The following SDK1 variants were observed in gnomAD, a reference collection of about 807,000 sequenced individuals.
SDK1 encodes the protein sidekick cell adhesion molecule 1.
In SDK1, 157 loss-of-function variants were observed where a neutral mutation model predicts 245.5. That is an observed-to-expected ratio of 0.64 (90% CI 0.56 to 0.73). SDK1 has a LOEUF of 0.73. SDK1 is among the 30% of genes least tolerant of loss of function. SDK1 has a pLI of 0.00. For synonymous variants in SDK1, 1,647 were observed against 1,278.5 expected (o/e 1.29, Z -6.15); for missense variants, 3,583 against 3,002.3 (o/e 1.19, Z -4.52).
chr7:3,803,211 A>G (rs892243949), intron 4 of SDK1, among the ~76,000 whole-genome samples: 8 of 151,522 alleles, frequency 5.3e-5, no homozygotes, highest in Non-Finnish European at 1.0e-4. Flanking sequence ...GATGCTCAAC[A>G]CTTTTTATGT....
chr7:3,583,300 A>T (rs1448924647), intron 1 of SDK1, among the ~76,000 whole-genome samples: 1 of 152,242 alleles, frequency 6.6e-6, no homozygotes, highest in Non-Finnish European at 1.5e-5. Flanking sequence ...CTTAGTAAAC[A>T]AATTTTCAGT....
At chr7:4,198,517 C>T (rs1363242714) in intron 35 of SDK1, among the ~76,000 whole-genome samples, 2 of 152,226 alleles carry the variant, frequency 1.3e-5, no homozygotes, top group Non-Finnish European at 2.9e-5. Flanking sequence ...AAGCCTAGCC[C>T]ATTACCTGTT....
intron 44 of SDK1, among the ~76,000 whole-genome samples, chr7:4,247,014 T>C (rs74396840): frequency 2.4e-3 from 372 of 152,276 alleles, no homozygotes; most frequent in African/African-American, 8.6e-3. Flanking sequence ...GAAGCAGCAA[T>C]TGGAGAGGTT....
intron 5 of SDK1, among the ~76,000 whole-genome samples, chr7:3,936,160 C>A (rs1464101650): frequency 6.6e-6 from 1 of 152,086 alleles, no homozygotes; most frequent in Non-Finnish European, 1.5e-5. Flanking sequence ...CTTTGTGATT[C>A]CACTTCCATG....
chr7:3,505,183 T>A (rs1329563959), intron 1 of SDK1, among the ~76,000 whole-genome samples: 1 of 152,230 alleles, frequency 6.6e-6, no homozygotes, highest in Non-Finnish European at 1.5e-5. Flanking sequence ...AAAATATATC[T>A]GTTTTTGTTT....
At position 3,871,945 on chromosome 7, in the gene SDK1, G is replaced by A. The variant is rs536020295; in HGVS notation, c.847+50362G>A. Among the ~76,000 whole-genome samples the A allele has an allele frequency of 1.4e-4, 22 of 152,300 alleles. No homozygotes were observed. In the South Asian group the frequency reaches 4.3e-3, roughly 30 times the overall value. ...ATCTGATGTTAGCTATATGTATTTT[G>A]TGGATGTCCCATATTTGGTTAAGGA... On this transcript the variant is annotated intron_variant, in intron 5 of 44. Transcript: ENST00000404826.
At chr7:3,630,858 A>G (rs1782268060) in intron 2 of SDK1, among the ~76,000 whole-genome samples, 1 of 151,956 alleles carries the variant, frequency 6.6e-6, no homozygotes, top group South Asian at 2.1e-4. Flanking sequence ...GATATTCTTT[A>G]GGCCCGAGAC....
intron 28 of SDK1, among the ~76,000 whole-genome samples, chr7:4,144,777 G>C (rs956460070): frequency 1.3e-5 from 2 of 152,216 alleles, no homozygotes; most frequent in Non-Finnish European, 2.9e-5. Flanking sequence ...GCCACTCCAC[G>C]AAGAGGCAGC....
At chr7:3,857,556 G>A (rs113409137) in intron 5 of SDK1, among the ~76,000 whole-genome samples, 2,119 of 152,076 alleles carry the variant, frequency 0.014, 57 homozygotes, top group African/African-American at 0.049. Context: ...GTGTGGTGGT[G>A]CATGCCTGTA....
intron 1 of SDK1, among the ~76,000 whole-genome samples, chr7:3,401,947 C>G (rs1401934182): frequency 2.6e-5 from 4 of 152,094 alleles, no homozygotes; most frequent in African/African-American, 9.7e-5. Flanking sequence ...ATGTGTGTAG[C>G]TGTCTTTACT....
At chr7:3,586,779 T>G (rs574454184) in intron 1 of SDK1, among the ~76,000 whole-genome samples, 1 of 152,062 alleles carries the variant, frequency 6.6e-6, no homozygotes, top group South Asian at 2.1e-4. Flanking sequence ...TAGCCTTAAC[T>G]GTCATCTGGG....
At chr7:3,668,935 G>A (rs943809075) in intron 4 of SDK1, among the ~76,000 whole-genome samples, 10 of 152,232 alleles carry the variant, frequency 6.6e-5, no homozygotes, top group Non-Finnish European at 1.2e-4. Flanking sequence ...ACCTGTCCCT[G>A]TGTGACGTCA....
At chr7:3,825,309 T>G (rs1255050652) in intron 5 of SDK1, among the ~76,000 whole-genome samples, 3 of 149,054 alleles carry the variant, frequency 2.0e-5, no homozygotes, top group African/African-American at 7.5e-5. Context: ...GAATAAGAGT[T>G]TCTTCCTCTA....
rs569712414 is a variant in SDK1 at position 3,685,642 on chromosome 7, A to G, written c.713+43537A>G. On this transcript the variant is annotated intron_variant, in intron 4 of 44. Coordinates refer to ENST00000404826, the MANE Select transcript of SDK1 (RefSeq NM_152744.4). ...GCTACTCAGTGAATGTAGAAGAAATATGTAAAACAATTACATTTTAGAAGT... is the reference window on the plus strand; with the variant it reads ...GCTACTCAGTGAATGTAGAAGAAATGTGTAAAACAATTACATTTTAGAAGT... Among the ~76,000 whole-genome samples, 26 of 152,302 alleles carry G rather than the reference A, an allele frequency of 1.7e-4. No homozygotes were observed. In the South Asian group the frequency reaches 4.8e-3, roughly 28 times the overall value.
intron 5 of SDK1, among the ~76,000 whole-genome samples, chr7:3,827,215 G>C (rs73672190): frequency 6.6e-6 from 1 of 152,158 alleles, no homozygotes; most frequent in African/African-American, 2.4e-5. Context: ...AGCAGTCACT[G>C]GTCTGAGTAT....
At chr7:3,432,735 G>C (rs748358685) in intron 1 of SDK1, among the ~76,000 whole-genome samples, 7 of 152,134 alleles carry the variant, frequency 4.6e-5, no homozygotes, top group Non-Finnish European at 8.8e-5. Flanking sequence ...TTGTGAAATA[G>C]ATGGATACCC....
At chr7:3,794,094 T>C (rs1196181367) in intron 4 of SDK1, among the ~76,000 whole-genome samples, 1 of 152,206 alleles carries the variant, frequency 6.6e-6, no homozygotes, top group Non-Finnish European at 1.5e-5. Context: ...TCTTTGAATC[T>C]ATTTTACGTT....
At chr7:3,529,083 G>T (rs962300654) in intron 1 of SDK1, among the ~76,000 whole-genome samples, 5 of 152,122 alleles carry the variant, frequency 3.3e-5, no homozygotes, top group Non-Finnish European at 7.3e-5. Context: ...ATCATCAACA[G>T]ATAAGGGATT....
At chr7:3,911,735 G>C (rs769673029) in intron 5 of SDK1, among the ~76,000 whole-genome samples, 1 of 152,172 alleles carries the variant, frequency 6.6e-6, no homozygotes, top group African/African-American at 2.4e-5. Flanking sequence ...TTCTGTATTA[G>C]GTGTTGGAGG....
Sources: gnomAD v4.1 joint callset for allele counts (sites outside exome capture counted in the v4.1 genomes callset) on GRCh38, gnomAD v4.1.1 for gene constraint, MANE v1.5 for transcripts, NCBI Gene and HGNC (gene_info 2026-07-23, HGNC 2026-07-21) for gene names.